CHCHD3: variants seen among roughly 807,000 people sequenced by gnomAD.
The protein encoded by CHCHD3 is coiled-coil-helix-coiled-coil-helix domain containing 3.
A neutral mutation model predicts 38.2 loss-of-function variants in CHCHD3; 20 were observed. The observed-to-expected ratio is 0.52, with a 90% CI of 0.37 to 0.76. The LOEUF (loss-of-function observed/expected upper bound fraction) is 0.76, where lower values mean the gene tolerates loss of function less well. Ranked by LOEUF, CHCHD3 falls within the 30% of genes least tolerant of loss-of-function variation. The pLI, the probability that CHCHD3 is intolerant of heterozygous loss-of-function variation, is 0.00. For synonymous variants in CHCHD3, 82 were observed against 100.0 expected, an observed-to-expected ratio of 0.82 and a Z score of 1.07; for missense variants, 245 against 279.2, an observed-to-expected ratio of 0.88 and a Z score of 0.87.
intron 3 of CHCHD3, among the ~76,000 whole-genome samples, chr7:133,013,675 T>C (rs573290221): frequency 6.6e-6 from 1 of 152,174 alleles, no homozygotes; most frequent in African/African-American, 2.4e-5. Context: ...GAGATCACAA[T>C]ATATGACTGA....
In CHCHD3 at chr7:133,035,074, G is replaced by A. The variant is rs1372888999; in HGVS notation, c.170-10447C>T. 2 of 1,613,642 alleles carry A rather than the reference G, an allele frequency of 1.2e-6. No individual in the cohort carries two copies. The highest frequency in any genetic ancestry group is 2.7e-5 in the African/African-American group (2 of 74,908). On this transcript the variant is annotated intron_variant, in intron 2 of 7. Coordinates refer to ENST00000262570, the MANE Select transcript of CHCHD3 (RefSeq NM_017812.4). This position sits in a 1 kb window ranked among gnomAD's most constrained non-coding sequence, Gnocchi z 4.7. Reference sequence around the variant, plus strand: ...TCCAACACAAAGGTACTCTTGGGCAGGTGAGCGAAGGGGTCCTTGGCCTTG... The same window carrying A: ...TCCAACACAAAGGTACTCTTGGGCAAGTGAGCGAAGGGGTCCTTGGCCTTG...
intron 2 of CHCHD3, 90 bp downstream of exon 2, chr7:133,070,052 G>A: frequency 1.2e-6 from 1 of 867,388 alleles, no homozygotes; most frequent in Non-Finnish European, 1.8e-6. Context: ...AATAACGAAA[G>A]ACAGAATGCT....
chr7:132,810,853 T>C (rs537875852), intron 6 of CHCHD3, among the ~76,000 whole-genome samples: 1 of 152,214 alleles, frequency 6.6e-6, no homozygotes, highest in South Asian at 2.1e-4. Flanking sequence ...TACTCTCCAG[T>C]TGAGTATGTC....
chr7:132,873,048 C>A (rs1307701040), intron 5 of CHCHD3, among the ~76,000 whole-genome samples: 1 of 151,816 alleles, frequency 6.6e-6, no homozygotes, highest in African/African-American at 2.4e-5. Context: ...CGAGATCGCA[C>A]CACTGCACTC....
chr7:133,018,290 G>A (rs1813083530), intron 3 of CHCHD3, among the ~76,000 whole-genome samples: 1 of 152,156 alleles, frequency 6.6e-6, no homozygotes, highest in Non-Finnish European at 1.5e-5. Flanking sequence ...GATGGTATAG[G>A]TTACACCTGG....
At chr7:132,798,908 C>A (rs6947533) in intron 6 of CHCHD3, among the ~76,000 whole-genome samples, 101,499 of 151,910 alleles carry the variant, frequency 0.67, 34,525 homozygotes, top group East Asian at 0.79. Flanking sequence ...AAAGTCCATG[C>A]GTTATTTATG....
chr7:132,974,666 G>A (rs1404372315), intron 4 of CHCHD3, among the ~76,000 whole-genome samples: 3 of 152,108 alleles, frequency 2.0e-5, no homozygotes, highest in Admixed American at 2.0e-4. Context: ...ACATGGTCAG[G>A]AGTTCAAGAC....
chr7:132,797,845 C>T (rs997524523), intron 6 of CHCHD3, among the ~76,000 whole-genome samples: 3 of 152,024 alleles, frequency 2.0e-5, no homozygotes, highest in Non-Finnish European at 4.4e-5. Context: ...GTTTGGACTG[C>T]AAGGATTAAA....
intron 4 of CHCHD3, among the ~76,000 whole-genome samples, chr7:132,934,281 CT>C (rs2117260307): frequency 6.6e-6 from 1 of 152,332 alleles, no homozygotes; most frequent in South Asian, 2.1e-4. Context: ...GCATTTGGTT[CT>C]ATTCCTTGAA....
At chr7:132,822,840 C>CA (rs934226268) in intron 6 of CHCHD3, among the ~76,000 whole-genome samples, 1 of 151,618 alleles carries the variant, frequency 6.6e-6, no homozygotes, top group African/African-American at 2.4e-5. Flanking sequence ...CAAAACAAAA[C>CA]AAAACAAAAC....
At chr7:133,036,541 T>G (rs1316149034) in intron 2 of CHCHD3, among the ~76,000 whole-genome samples, 1 of 152,178 alleles carries the variant, frequency 6.6e-6, no homozygotes, top group Non-Finnish European at 1.5e-5. Flanking sequence ...ATATGTCATA[T>G]CTGGTTCATC....
intron 3 of CHCHD3, among the ~76,000 whole-genome samples, chr7:132,976,740 A>T (rs1277389405): frequency 6.6e-6 from 1 of 152,204 alleles, no homozygotes. Context: ...ATCAAATTTT[A>T]GTTTTAAAAA....
chr7:132,934,050 TAGCATTTCACTGGGAGGGACTTACTGG>T (rs1339302768), intron 4 of CHCHD3, among the ~76,000 whole-genome samples: 1 of 152,208 alleles, frequency 6.6e-6, no homozygotes, highest in Non-Finnish European at 1.5e-5. Flanking sequence ...TTTAGCTGAA[TAGCATTTCACTGGGAGGGACTTACTGG>T]ACCTAACTCT....
chr7:132,885,362 AGTAGCAGT>A (rs1185844284), intron 5 of CHCHD3, among the ~76,000 whole-genome samples: 1 of 152,204 alleles, frequency 6.6e-6, no homozygotes, highest in East Asian at 1.9e-4. Context: ...GAGAGATAAG[AGTAGCAGT>A]GTACTGTCTG....
At chr7:133,073,650 T>C (rs1488687061) in intron 1 of CHCHD3, among the ~76,000 whole-genome samples, 2 of 152,116 alleles carry the variant, frequency 1.3e-5, no homozygotes, top group African/African-American at 4.8e-5. Context: ...ACTTCATCAA[T>C]CCCTAAATAT....
chr7:132,940,005 C>T (rs1274727482), intron 4 of CHCHD3, among the ~76,000 whole-genome samples: 1 of 152,152 alleles, frequency 6.6e-6, no homozygotes, highest in Non-Finnish European at 1.5e-5. Flanking sequence ...AGCTAGTTAT[C>T]TAAAAGGCGT....
At chr7:132,815,754 A>G (rs1807186611) in intron 6 of CHCHD3, 1 of 307,704 alleles carries the variant, frequency 3.2e-6, no homozygotes, top group Admixed American at 4.5e-5. Context: ...CCCTTCCCCA[A>G]CCAGATCCTT....
intron 4 of CHCHD3, among the ~76,000 whole-genome samples, chr7:132,919,362 C>T (rs1209006274): frequency 1.3e-5 from 2 of 151,996 alleles, no homozygotes; most frequent in African/African-American, 4.8e-5. Flanking sequence ...CCGCCCGCCT[C>T]GGCCTCCCAA....
intron 2 of CHCHD3, among the ~76,000 whole-genome samples, chr7:133,055,001 T>C (rs989211714): frequency 1.3e-5 from 2 of 152,026 alleles, no homozygotes; most frequent in African/African-American, 4.8e-5. Context: ...GTAAAGGTGC[T>C]AACAGAGTTA....
Sources: allele counts gnomAD v4.1 joint callset (sites outside exome capture counted in the v4.1 genomes callset), GRCh38; gene constraint gnomAD v4.1.1; non-coding constraint Gnocchi (gnomAD v3.1); transcripts MANE v1.5; gene names NCBI Gene and HGNC (gene_info 2026-07-23, HGNC 2026-07-21).